SOX5: variants seen among roughly 807,000 people sequenced by gnomAD.
The protein encoded by SOX5 is SRY-box transcription factor 5, also known as transcription factor SOX-5.
In SOX5, 9 loss-of-function variants were observed where a neutral mutation model predicts 92.0. The observed-to-expected ratio is 0.10, with a 90% CI of 0.06 to 0.17. SOX5 has a LOEUF of 0.17. Ranked by LOEUF, SOX5 falls within the 10% of genes least tolerant of loss-of-function variation. The pLI is 1.00. For synonymous variants in SOX5, 344 were observed against 336.3 expected (o/e 1.02, Z -0.25); for missense variants, 642 against 944.5 (o/e 0.68, Z 4.20).
At chr12:23,657,104 G>A (rs777318187) in intron 7 of SOX5, among the ~76,000 whole-genome samples, 17 of 144,980 alleles carry the variant, frequency 1.2e-4, no homozygotes, top group Admixed American at 2.8e-4. Context: ...GTTCTTTCTC[G>A]CCTGACTTTT....
intron 2 of SOX5, among the ~76,000 whole-genome samples, chr12:23,883,037 C>T (rs2097015639): frequency 6.6e-6 from 1 of 151,848 alleles, no homozygotes; most frequent in East Asian, 1.9e-4. Context: ...AAAAATAAGC[C>T]GGGCATAGTG....
intron 4 of SOX5, among the ~76,000 whole-genome samples, chr12:24,020,612 C>G (rs1193600694): frequency 6.6e-6 from 1 of 152,092 alleles, no homozygotes; most frequent in Non-Finnish European, 1.5e-5. Flanking sequence ...ATGCACTACC[C>G]CTGATTAATT....
intron 2 of SOX5, among the ~76,000 whole-genome samples, chr12:24,332,640 G>A (rs1951456529): frequency 6.6e-6 from 1 of 152,074 alleles, no homozygotes; most frequent in South Asian, 2.1e-4. Context: ...AAGGAAGGCA[G>A]AAAGTATACA....
At chr12:23,592,471 G>A (rs1441745608) in intron 9 of SOX5, among the ~76,000 whole-genome samples, 1 of 152,162 alleles carries the variant, frequency 6.6e-6, no homozygotes, top group African/African-American at 2.4e-5. Context: ...AAGGCAAAGT[G>A]TGTAATTCTA....
intron 4 of SOX5, among the ~76,000 whole-genome samples, chr12:24,096,705 T>C (rs371587138): frequency 2.0e-5 from 3 of 152,224 alleles, no homozygotes; most frequent in East Asian, 3.8e-4. Flanking sequence ...TATGTATCTA[T>C]TCAACCATTG....
At chr12:23,553,641 C>A (rs951363443) in intron 11 of SOX5, among the ~76,000 whole-genome samples, 11 of 152,024 alleles carry the variant, frequency 7.2e-5, no homozygotes, top group African/African-American at 2.2e-4. Flanking sequence ...CAAACCGTGG[C>A]AGACAGACAT....
intron 7 of SOX5, among the ~76,000 whole-genome samples, chr12:23,658,243 CAAT>C (rs1356092754): frequency 6.6e-6 from 1 of 152,072 alleles, no homozygotes; most frequent in African/African-American, 2.4e-5. Context: ...AATCTTAAGA[CAAT>C]AATGTCAACT....
At chr12:24,040,061 T>A (rs1307779092) in intron 4 of SOX5, among the ~76,000 whole-genome samples, 1 of 152,196 alleles carries the variant, frequency 6.6e-6, no homozygotes, top group African/African-American at 2.4e-5. Context: ...TTCATGTCAA[T>A]GTGATCAAAC....
At chr12:23,811,220 T>C (rs2095870216) in intron 3 of SOX5, among the ~76,000 whole-genome samples, 2 of 152,132 alleles carry the variant, frequency 1.3e-5, no homozygotes, top group African/African-American at 4.8e-5. Context: ...ATATAAAGAT[T>C]ATTCACCCCC....
At chr12:23,697,819 G>A (rs1174381671) in intron 6 of SOX5, among the ~76,000 whole-genome samples, 4 of 152,120 alleles carry the variant, frequency 2.6e-5, no homozygotes, top group African/African-American at 9.7e-5. Context: ...CCAAAGTGCT[G>A]GGATTACAGG....
chr12:24,028,529 A>G (rs1041904622), intron 4 of SOX5, among the ~76,000 whole-genome samples: 1 of 152,050 alleles, frequency 6.6e-6, no homozygotes, highest in African/African-American at 2.4e-5. Flanking sequence ...TTTGCATGCT[A>G]CTAGGCTGGT....
intron 1 of SOX5, among the ~76,000 whole-genome samples, chr12:23,912,993 G>T (rs2097368302): frequency 6.6e-6 from 1 of 152,016 alleles, no homozygotes; most frequent in Non-Finnish European, 1.5e-5. Context: ...TTATAGTACT[G>T]AATTATATTT....
At chr12:24,404,608 CTTG>C (rs929273023) in intron 1 of SOX5, among the ~76,000 whole-genome samples, 2 of 152,170 alleles carry the variant, frequency 1.3e-5, no homozygotes, top group African/African-American at 4.8e-5. Context: ...CAGCATTCTT[CTTG>C]TTGCATAATC....
chr12:23,819,747 G>C lies in SOX5; in HGVS notation c.481+26236C>G, dbSNP rs539041976. 2.4e-4 allele frequency among the ~76,000 whole-genome samples: 36 copies of C among 152,240 alleles called. 1 individual carries two copies. The South Asian group carries it at 7.1e-3, about 30-fold the overall frequency. On this transcript the variant is annotated intron_variant, in intron 3 of 14. Coordinates refer to ENST00000451604, the MANE Select transcript of SOX5 (RefSeq NM_006940.6). ...TCCAGTGTATCCATGTCCCTGCAAA[G>C]GACATGAACTCATTTTTCTTTTTTA...
Position 24,283,186 on chromosome 12 carries a change from T to C in SOX5, c.-173-5874A>G, listed in dbSNP as rs868054235. On this transcript the variant is annotated intron_variant, in intron 2 of 4. Coordinates refer to the SOX5 transcript ENST00000446891. ...CTATTCCTCAAAGGATTAACAAGAT[T>C]TACCCACAATGTTGTAAAAATAAAT... Among the ~76,000 whole-genome samples the C allele has an allele frequency of 2.6e-5, 4 of 152,340 alleles. No individual in the cohort carries two copies. The South Asian group carries it at 6.2e-4, about 24-fold the overall frequency.
intron 3 of SOX5, among the ~76,000 whole-genome samples, chr12:24,264,017 T>A (rs1942649652): frequency 6.6e-6 from 1 of 152,200 alleles, no homozygotes; most frequent in South Asian, 2.1e-4. Flanking sequence ...TATTTCTGCC[T>A]CATAGTCTTC....
chr12:23,776,135 C>CA (rs1258128471), intron 3 of SOX5, among the ~76,000 whole-genome samples: 1 of 152,148 alleles, frequency 6.6e-6, no homozygotes, highest in Non-Finnish European at 1.5e-5. Flanking sequence ...AATTCAAGCA[C>CA]AAAAAACTTT....
chr12:23,751,083 G>A (rs2094166680), intron 4 of SOX5, among the ~76,000 whole-genome samples: 4 of 151,772 alleles, frequency 2.6e-5, no homozygotes, highest in Admixed American at 2.6e-4. Context: ...CAACTACAGA[G>A]GAACTATAAA....
intron 3 of SOX5, among the ~76,000 whole-genome samples, chr12:24,213,787 T>G (rs1958922202): frequency 6.6e-6 from 1 of 152,042 alleles, no homozygotes; most frequent in African/African-American, 2.4e-5. Context: ...CCATATTAAT[T>G]AAATCACTTA....
Sources: gnomAD v4.1 joint callset for allele counts (sites outside exome capture counted in the v4.1 genomes callset) on GRCh38, gnomAD v4.1.1 for gene constraint, MANE v1.5 for transcripts, NCBI Gene and HGNC (gene_info 2026-07-23, HGNC 2026-07-21) for gene names.